Variants in FSTL4 observed in about 807,000 individuals in gnomAD.
FSTL4 encodes follistatin like 4, also known as follistatin-related protein 4.
A neutral mutation model predicts 78.2 loss-of-function variants in FSTL4; 28 were observed. The observed-to-expected ratio is 0.36, with a 90% confidence interval of 0.27 to 0.49. FSTL4 has a LOEUF of 0.49. Ranked by LOEUF, FSTL4 falls within the 20% of genes least tolerant of loss-of-function variation. The probability of loss-of-function intolerance (pLI) is 0.98; values close to 1 mark genes in which losing one functional copy is unlikely to be tolerated. For synonymous variants in FSTL4, 422 were observed against 440.5 expected (o/e 0.96, Z 0.53); for missense variants, 922 against 1,084.9 (o/e 0.85, Z 2.11).
At chr5:133,269,434 T>C (rs1024249926) in intron 6 of FSTL4, among the ~76,000 whole-genome samples, 2 of 152,178 alleles carry the variant, frequency 1.3e-5, no homozygotes, top group Admixed American at 1.3e-4. Flanking sequence ...GGGGTTATCT[T>C]TCAACTTCTT....
At chr5:133,298,514 C>A (rs1753460086) in intron 6 of FSTL4, among the ~76,000 whole-genome samples, 1 of 152,218 alleles carries the variant, frequency 6.6e-6, no homozygotes, top group Non-Finnish European at 1.5e-5. Context: ...TTGCCTGGGG[C>A]AGATGGTAGG....
chr5:133,504,629 C>T (rs1485072507), intron 3 of FSTL4, among the ~76,000 whole-genome samples: 1 of 152,208 alleles, frequency 6.6e-6, no homozygotes, highest in Non-Finnish European at 1.5e-5. Flanking sequence ...ACTGCATTAC[C>T]TTGTCCCATG....
rs1167365670 is a variant in FSTL4 at position 133,351,062 on chromosome 5, A to C, written c.410-34410T>G. Among the ~76,000 whole-genome samples the C allele has an allele frequency of 2.6e-5, 4 of 152,226 alleles. No homozygotes were observed. In the East Asian group the frequency reaches 7.7e-4, roughly 29 times the overall value. On this transcript the variant is annotated intron_variant, in intron 4 of 15. Coordinates refer to ENST00000265342, the MANE Select transcript of FSTL4 (RefSeq NM_015082.2). Reference sequence around the variant, plus strand: ...GCAACTAGTAATATCTGCATATGTAAATTTTTTTATTTTGGCCAGCAGAGG... The same window carrying C: ...GCAACTAGTAATATCTGCATATGTACATTTTTTTATTTTGGCCAGCAGAGG...
chr5:133,557,113 C>T (rs902376682), intron 3 of FSTL4, among the ~76,000 whole-genome samples: 1 of 152,212 alleles, frequency 6.6e-6, no homozygotes, highest in Admixed American at 6.5e-5. Context: ...AGAACCCAAT[C>T]GCTGGAGGCA....
At chr5:133,728,288 T>G in the FSTL4 span, among the ~76,000 whole-genome samples, 1 of 152,200 alleles carries the variant, frequency 6.6e-6, no homozygotes, top group Non-Finnish European at 1.5e-5. Flanking sequence ...GGACCTACAA[T>G]GAGAACCTGC....
At chr5:133,821,359 A>G in the FSTL4 span, among the ~76,000 whole-genome samples, 1 of 152,234 alleles carries the variant, frequency 6.6e-6, no homozygotes, top group Non-Finnish European at 1.5e-5. Context: ...TGAATTTAGC[A>G]GGAGGGAGAA....
the FSTL4 span, among the ~76,000 whole-genome samples, chr5:133,783,460 C>A: frequency 6.6e-6 from 1 of 152,238 alleles, no homozygotes; most frequent in South Asian, 2.1e-4. Flanking sequence ...CCTTATCTAT[C>A]AATAAATCTA....
At chr5:133,682,606 C>G in the FSTL4 span, among the ~76,000 whole-genome samples, 28 of 152,228 alleles carry the variant, frequency 1.8e-4, no homozygotes, top group African/African-American at 6.5e-4. Context: ...CTTCTGAGAA[C>G]AACCCAATTT....
chr5:133,711,729 T>A, the FSTL4 span, among the ~76,000 whole-genome samples: 2 of 152,214 alleles, frequency 1.3e-5, no homozygotes, highest in African/African-American at 4.8e-5. Flanking sequence ...ACAAAAACCA[T>A]GATCGCTGCC....
At chr5:133,620,127 T>A in the FSTL4 span, among the ~76,000 whole-genome samples, 1 of 152,238 alleles carries the variant, frequency 6.6e-6, no homozygotes, top group East Asian at 1.9e-4. Context: ...GTTTTAGGAC[T>A]AAAATCCTTG....
chr5:133,798,884 G>A, the FSTL4 span, among the ~76,000 whole-genome samples: 2 of 148,300 alleles, frequency 1.3e-5, no homozygotes. Flanking sequence ...GGTGGGCCTA[G>A]GACACATTAA....
chr5:133,266,143 G>A (rs999301244), intron 6 of FSTL4, among the ~76,000 whole-genome samples: 2 of 152,186 alleles, frequency 1.3e-5, no homozygotes, highest in Non-Finnish European at 1.5e-5. Flanking sequence ...ACTGGACATC[G>A]TGAGCCCAGC....
At chr5:133,700,979 T>G in the FSTL4 span, among the ~76,000 whole-genome samples, 1 of 152,206 alleles carries the variant, frequency 6.6e-6, no homozygotes, top group Admixed American at 6.5e-5. Flanking sequence ...CTCTGCTCAT[T>G]CAGACGCAGG....
rs1379821922 is a variant in FSTL4 at position 133,236,046 on chromosome 5, G to A, written c.895-2509C>T. Among the ~76,000 whole-genome samples the A allele has an allele frequency of 6.6e-6, 1 of 151,950 alleles. No individual in the cohort carries two copies. Among genetic ancestry groups the A allele is most frequent in the Admixed American group, 6.5e-5 (1 of 15,272 alleles). On this transcript the variant is annotated intron_variant, in intron 7 of 15. Coordinates refer to ENST00000265342, the MANE Select transcript of FSTL4 (RefSeq NM_015082.2). This position sits in a 1 kb window ranked among gnomAD's most constrained non-coding sequence, Gnocchi z 5.0. ...CAGCGTCCCAGTTGGTGGGTCCCAGGGCAGACACCATCCGAGAGGGCAAAA... is the reference window on the plus strand; with the variant it reads ...CAGCGTCCCAGTTGGTGGGTCCCAGAGCAGACACCATCCGAGAGGGCAAAA...
intron 7 of FSTL4, among the ~76,000 whole-genome samples, chr5:133,243,160 A>G (rs376580669): frequency 6.6e-6 from 1 of 152,158 alleles, no homozygotes; most frequent in Admixed American, 6.5e-5. Flanking sequence ...ACTTTCTTCT[A>G]ATGGGTTTTG....
intron 6 of FSTL4, among the ~76,000 whole-genome samples, chr5:133,303,755 T>G (rs1319514167): frequency 6.6e-6 from 1 of 152,182 alleles, no homozygotes; most frequent in African/African-American, 2.4e-5. Context: ...AACTGGTGAT[T>G]GTGCCCTAAG....
intron 6 of FSTL4, among the ~76,000 whole-genome samples, chr5:133,268,511 G>A (rs1752693090): frequency 6.6e-6 from 1 of 152,162 alleles, no homozygotes; most frequent in Non-Finnish European, 1.5e-5. Context: ...GAGTTCTGAG[G>A]ACTTTGCAGG....
At chr5:133,815,900 C>CA in the FSTL4 span, among the ~76,000 whole-genome samples, 1 of 152,204 alleles carries the variant, frequency 6.6e-6, no homozygotes, top group East Asian at 1.9e-4. Context: ...GTTGACCAGG[C>CA]AATCCCATGC....
intron 3 of FSTL4, among the ~76,000 whole-genome samples, chr5:133,505,578 A>G (rs1392496373): frequency 6.6e-6 from 1 of 152,256 alleles, no homozygotes; most frequent in Non-Finnish European, 1.5e-5. Flanking sequence ...CCCAGGAGAT[A>G]TTCTGAGCCA....
Sources: gnomAD v4.1 joint callset for allele counts (sites outside exome capture counted in the v4.1 genomes callset) on GRCh38, gnomAD v4.1.1 for gene constraint, Gnocchi (gnomAD v3.1) non-coding constraint, MANE v1.5 for transcripts, NCBI Gene and HGNC (gene_info 2026-07-23, HGNC 2026-07-21) for gene names.